The following ZCCHC4 variants were observed in gnomAD, a reference collection of about 807,000 sequenced individuals.
ZCCHC4 encodes the protein zinc finger CCHC-type containing 4.
Under a neutral mutation model 67.7 loss-of-function variants are expected in ZCCHC4, and 54 were observed. The observed-to-expected ratio is 0.80, with a 90% CI of 0.64 to 1.00. The LOEUF is 1.00. ZCCHC4 is among the 50% of genes least tolerant of loss of function. The pLI is 0.00. For missense variants in ZCCHC4, 609 were observed against 617.0 expected (o/e 0.99, Z 0.14); for synonymous variants, 198 against 213.5 (o/e 0.93, Z 0.63).
intron 4 of ZCCHC4, 51 bp downstream of exon 4, chr4:25,333,509 G>A: frequency 1.3e-6 from 2 of 1,580,552 alleles, no homozygotes; most frequent in Non-Finnish European, 1.7e-6. Context: ...TATTGAAACT[G>A]TATGAAGATT....
In ZCCHC4 at chr4:25,314,029, T is replaced by TC. The variant is rs1718106237; in HGVS notation, c.128-17_128-16insC. 27 of 1,477,976 alleles carry TC rather than the reference T, an allele frequency of 1.8e-5. No individual in the cohort carries two copies. In the East Asian group the frequency reaches 6.1e-4, roughly 33 times the overall value. The allele number at this position is 1,477,976 out of a possible 1,614,324, so 91.6% of individuals were successfully genotyped here. The stretch of plus-strand genomic sequence containing the variant: ...ATTACTTGACACTTTTTTTTTTTTT[T>TC]TCTATTCTGGAACTAGGACCCACTC... On this transcript the variant is annotated splice_polypyrimidine_tract_variant and intron_variant, in intron 1 of 12. Transcript: ENST00000302874.
chr4:25,358,821 C>T (rs574068231), intron 8 of ZCCHC4, among the ~76,000 whole-genome samples: 4 of 152,244 alleles, frequency 2.6e-5, no homozygotes, highest in Admixed American at 6.5e-5. Context: ...TATAATTACC[C>T]TGCTAACGCT....
intron 5 of ZCCHC4, among the ~76,000 whole-genome samples, chr4:25,338,709 AT>A (rs1719588751): frequency 6.6e-6 from 1 of 152,222 alleles, no homozygotes; most frequent in Non-Finnish European, 1.5e-5. Context: ...AGGTTCACCC[AT>A]GTGGTAGCAT....
At chr4:25,341,205 A>C (rs1402945150) in intron 5 of ZCCHC4, among the ~76,000 whole-genome samples, 1 of 152,184 alleles carries the variant, frequency 6.6e-6, no homozygotes, top group African/African-American at 2.4e-5. Flanking sequence ...GTTATCTGTA[A>C]GGCATCCAGT....
chr4:25,364,926 C>G (rs540654208), intron 11 of ZCCHC4, 96 bp from the exon 12 acceptor site: 161 of 1,519,334 alleles, frequency 1.1e-4, no homozygotes, highest in South Asian at 5.5e-4. Flanking sequence ...CACAATACTT[C>G]AAGTAAACAC....
At position 25,329,943 on chromosome 4, in the gene ZCCHC4, T is replaced by A. The variant is rs552165273; in HGVS notation, c.330-3240T>A. Among the ~76,000 whole-genome samples the A allele has an allele frequency of 1.6e-4, 25 of 152,296 alleles. No individual in the cohort carries two copies. In the East Asian group the frequency reaches 4.8e-3, roughly 29 times the overall value. ...AGTGGCTTTAATGTCTCTACCAATA[T>A]CATCCTATGTCATTTCTGGGTTTGT... On this transcript the variant is annotated intron_variant, in intron 3 of 12. Coordinates refer to ENST00000302874, the MANE Select transcript of ZCCHC4 (RefSeq NM_024936.3).
intron 6 of ZCCHC4, 78 bp from the exon 7 acceptor site, chr4:25,349,414 T>A: frequency 7.1e-7 from 1 of 1,400,432 alleles, no homozygotes; most frequent in Non-Finnish European, 9.9e-7. Flanking sequence ...AGAGACTGAG[T>A]CTAATGCATT....
chr4:25,333,541 T>A (rs1322593620), intron 4 of ZCCHC4, 83 bp downstream of exon 4: 11 of 1,415,516 alleles, frequency 7.8e-6, no homozygotes, highest in Non-Finnish European at 1.1e-5. Flanking sequence ...TTACTTACTC[T>A]GTGCAAGGTA....
intron 9 of ZCCHC4, 98 bp from the exon 10 acceptor site, chr4:25,362,128 A>G: frequency 6.9e-7 from 1 of 1,449,836 alleles, no homozygotes; most frequent in Non-Finnish European, 9.4e-7. Flanking sequence ...TTGAATTCAG[A>G]TTGCACCCAG....
intron 3 of ZCCHC4, among the ~76,000 whole-genome samples, chr4:25,318,616 A>T (rs1718407290): frequency 6.6e-6 from 1 of 151,728 alleles, no homozygotes; most frequent in South Asian, 2.1e-4. Flanking sequence ...TGACCTCCCA[A>T]AGTGCTGGGA....
In ZCCHC4 at chr4:25,365,020, A is replaced by T; in HGVS notation, c.1262-2A>T. The T allele has an allele frequency of 6.2e-7, 1 of 1,608,996 alleles. No homozygotes were observed. Among genetic ancestry groups the T allele is most frequent in the Non-Finnish European group, 8.5e-7 (1 of 1,178,804 alleles). On this transcript the variant is annotated splice_acceptor_variant, in intron 11 of 12. Coordinates refer to ENST00000302874, the MANE Select transcript of ZCCHC4 (RefSeq NM_024936.3). LOFTEE classifies it high-confidence loss of function. The stretch of plus-strand genomic sequence containing the variant: ...CTTTAAAACTTAATTTTTATTTTAC[A>T]GCCTGGATCCACTGTAGCATCTGCA...
At chr4:25,362,093 A>T in intron 9 of ZCCHC4, 113 bp downstream of exon 9, 1 of 1,462,854 alleles carries the variant, frequency 6.8e-7, no homozygotes. Context: ...TTACTTTTAA[A>T]TTAGGTCCAT....
intron 5 of ZCCHC4, among the ~76,000 whole-genome samples, chr4:25,338,186 G>A (rs1719556875): frequency 6.6e-6 from 1 of 152,108 alleles, no homozygotes; most frequent in Non-Finnish European, 1.5e-5. Flanking sequence ...CAACCTCCTG[G>A]GTTCAAGCGA....
Position 25,361,894 on chromosome 4 carries a change from A to G in ZCCHC4, c.1047A>G (p.Gly349=), listed in dbSNP as rs758711668. ...ATAATCATGCACTTTATAAACACGG[A>G]AAGACAGGTCGAAAACAGTCTCCCG... The part of the protein sequence containing the change: ...DYDNHALYKH[G]KTGRKQSPVR... Residue 349 remains glycine, a synonymous_variant, in exon 9 of 13, where the codon GGA becomes GGG. Transcript: ENST00000302874. The G allele has an allele frequency of 7.4e-6, 12 of 1,613,824 alleles. No individual in the cohort carries two copies. The highest frequency in any genetic ancestry group is 1.0e-5 in the Non-Finnish European group (12 of 1,179,858).
intron 3 of ZCCHC4, among the ~76,000 whole-genome samples, chr4:25,331,104 G>T (rs1360529253): frequency 1.3e-5 from 2 of 152,150 alleles, no homozygotes; most frequent in African/African-American, 4.8e-5. Flanking sequence ...TCCCTGTGCT[G>T]CCAGCTCTCC....
chr4:25,320,678 G>T (rs879479706), intron 3 of ZCCHC4, among the ~76,000 whole-genome samples: 2 of 152,260 alleles, frequency 1.3e-5, no homozygotes, highest in African/African-American at 2.4e-5. Flanking sequence ...TAAATTTAAG[G>T]CATAATAGTT....
intron 8 of ZCCHC4, among the ~76,000 whole-genome samples, chr4:25,360,361 G>A (rs1176310663): frequency 6.6e-6 from 1 of 152,258 alleles, no homozygotes; most frequent in East Asian, 1.9e-4. Context: ...GGATGTGCTT[G>A]TGACTACAGA....
At chr4:25,334,026 C>T (rs1719326703) in intron 5 of ZCCHC4, 38 bp downstream of exon 5, 1 of 1,348,166 alleles carries the variant, frequency 7.4e-7, no homozygotes, top group Non-Finnish European at 1.0e-6. Flanking sequence ...TTCATTGTCT[C>T]CTGTTTCTTT....
chr4:25,326,086 A>G (rs955512703), intron 3 of ZCCHC4, among the ~76,000 whole-genome samples: 2 of 152,242 alleles, frequency 1.3e-5, no homozygotes, highest in African/African-American at 4.8e-5. Flanking sequence ...TGGAGGCCCA[A>G]CATCCAAAAT....
Sources: gnomAD v4.1 joint callset for allele counts (sites outside exome capture counted in the v4.1 genomes callset) on GRCh38, gnomAD v4.1.1 for gene constraint, MANE v1.5 for transcripts, NCBI Gene and HGNC (gene_info 2026-07-23, HGNC 2026-07-21) for gene names.